Variants in PEAK1 observed in about 807,000 individuals in gnomAD.
PEAK1 encodes the protein pseudopodium enriched atypical kinase 1, also known as inactive tyrosine-protein kinase PEAK1.
Under a neutral mutation model 124.7 loss-of-function variants are expected in PEAK1, and 54 were observed. The observed-to-expected ratio is 0.43, with a 90% confidence interval of 0.35 to 0.54. The LOEUF is 0.54. Ranked by LOEUF, PEAK1 falls within the 20% of genes least tolerant of loss-of-function variation. PEAK1 has a pLI of 0.01. For synonymous variants in PEAK1, 719 were observed against 760.0 expected (o/e 0.95, Z 0.89); for missense variants, 2,046 against 2,134.5 (o/e 0.96, Z 0.82).
intron 6 of PEAK1, among the ~76,000 whole-genome samples, chr15:77,187,123 C>T (rs1478587025): frequency 3.9e-5 from 6 of 152,310 alleles, no homozygotes; most frequent in African/African-American, 1.4e-4. Context: ...CCTCCACATT[C>T]CTTATAATCT....
intron 8 of PEAK1, among the ~76,000 whole-genome samples, chr15:77,150,147 T>C (rs1173201309): frequency 1.3e-5 from 2 of 152,158 alleles, no homozygotes; most frequent in African/African-American, 2.4e-5. Context: ...TGCAAAGTGA[T>C]GATGTTTTTT....
At position 77,114,048 on chromosome 15, in the gene PEAK1, G is replaced by T. The variant is rs1248367195; in HGVS notation, c.*108C>A. 2.4e-5 allele frequency: 29 copies of T among 1,198,090 alleles called. No homozygotes were observed. The highest frequency in any genetic ancestry group is 3.2e-5 in the Non-Finnish European group (27 of 831,156). 74.2% of individuals were successfully genotyped at this position (1,198,090 alleles called of 1,614,324 possible). ...CCACTTGTTCACGGACAGGGATAGA[G>T]GTTTGCCTTTCTTCTTTCCTTGAAT... On this transcript the variant is annotated 3_prime_UTR_variant, in exon 10 of 10. Transcript: ENST00000682557.
chr15:77,164,409 C>T (rs547153135), intron 7 of PEAK1, among the ~76,000 whole-genome samples: 13 of 152,238 alleles, frequency 8.5e-5, no homozygotes, highest in African/African-American at 2.9e-4. Flanking sequence ...AGCTAGGTCT[C>T]GAGATGGGGA....
intron 2 of PEAK1, among the ~76,000 whole-genome samples, chr15:77,302,694 A>G (rs2063851574): frequency 6.6e-6 from 1 of 152,166 alleles, no homozygotes; most frequent in Admixed American, 6.5e-5. Context: ...CTTCAGTGAG[A>G]TTATTGGATA....
rs1472479791 is a variant in PEAK1, at chr15:77,181,606, G to T, written c.321C>A (p.Asn107Lys). Residue 107 changes from asparagine (N) to lysine (K), a missense_variant, in exon 7 of 10, where the codon AAC becomes AAA. Transcript: ENST00000682557. ...GTGGTTTCTGACTCAAGGCAGCTCT[G>T]TTTCGGTTCCACCCTATGATGACAG... ...NKPVIIGWNR[N>K]RAALSQKPLN... The T allele has an allele frequency of 6.2e-7, 1 of 1,614,100 alleles. No individual in the cohort carries two copies. Among genetic ancestry groups the T allele is most frequent in the Admixed American group, 1.7e-5 (1 of 60,020 alleles).
intron 2 of PEAK1, among the ~76,000 whole-genome samples, chr15:77,326,476 C>A (rs190579435): frequency 4.6e-5 from 7 of 152,268 alleles, no homozygotes; most frequent in African/African-American, 1.7e-4. Flanking sequence ...ACATTTTCTA[C>A]TGTCATAAAT....
chr15:77,203,972 G>C (rs1405372364), intron 6 of PEAK1, among the ~76,000 whole-genome samples: 1 of 152,116 alleles, frequency 6.6e-6, no homozygotes, highest in African/African-American at 2.4e-5. Context: ...AAGAAAATGA[G>C]AACACAAGCC....
intron 2 of PEAK1, among the ~76,000 whole-genome samples, chr15:77,353,958 ATCT>A (rs1258015370): frequency 1.3e-5 from 2 of 152,230 alleles, no homozygotes; most frequent in East Asian, 1.9e-4. Context: ...CTTCTTCATG[ATCT>A]TCTTCCCAGT....
intron 1 of PEAK1, chr15:77,419,618 G>A (rs1393328559): frequency 4.1e-6 from 4 of 984,960 alleles, no homozygotes; most frequent in Non-Finnish European, 4.8e-6. Context: ...GCCTCCCCGC[G>A]TCCAGCTCCT....
chr15:77,337,632 C>T (rs1051861387), intron 2 of PEAK1: 2 of 985,334 alleles, frequency 2.0e-6, no homozygotes, highest in Non-Finnish European at 2.4e-6. Context: ...GGATTAATTC[C>T]CATGAATGAG....
At chr15:77,271,145 G>A (rs1469163519) in intron 5 of PEAK1, among the ~76,000 whole-genome samples, 1 of 152,166 alleles carries the variant, frequency 6.6e-6, no homozygotes, top group Non-Finnish European at 1.5e-5. Flanking sequence ...CTTCTCAAAA[G>A]AAGATATTTA....
Position 77,158,592 on chromosome 15 carries a change from G to C in PEAK1, c.3242C>G (p.Ser1081Cys), listed in dbSNP as rs2055358752. 1 of 1,613,988 alleles carries C rather than the reference G, an allele frequency of 6.2e-7. No individual in the cohort carries two copies. Among genetic ancestry groups the C allele is most frequent in the Non-Finnish European group, 8.5e-7 (1 of 1,179,986 alleles). ...RGCTSVTTAL[S>C]LPELEREDGK... is the part of the protein sequence containing the mutation. ...ATCTTCCCTTTCCAGTTCAGGTAGGGACAATGCTGTTGTGACTGAAGTGCA... is the reference window on the plus strand; with the variant it reads ...ATCTTCCCTTTCCAGTTCAGGTAGGCACAATGCTGTTGTGACTGAAGTGCA... The change falls in exon 8 of 10, where the codon TCC becomes TGC. Residue 1081 changes from serine (S) to cysteine (C), a missense_variant. Transcript: ENST00000682557.
chr15:77,274,914 C>T (rs1188753349), intron 5 of PEAK1, among the ~76,000 whole-genome samples: 1 of 152,008 alleles, frequency 6.6e-6, no homozygotes, highest in Admixed American at 6.6e-5. Context: ...TGGAACCAGC[C>T]CAAATATCCA....
chr15:77,213,638 G>A (rs1457238210), intron 6 of PEAK1, among the ~76,000 whole-genome samples: 2 of 152,004 alleles, frequency 1.3e-5, no homozygotes, highest in Admixed American at 6.5e-5. Flanking sequence ...GCAGTGAGCC[G>A]AGATCGCATC....
intron 5 of PEAK1, among the ~76,000 whole-genome samples, chr15:77,258,298 A>G (rs2061269331): frequency 6.6e-6 from 1 of 152,130 alleles, no homozygotes; most frequent in Non-Finnish European, 1.5e-5. Context: ...ATGGCATTGA[A>G]TCTATAAATT....
chr15:77,301,694 T>A (rs141436590), intron 2 of PEAK1, among the ~76,000 whole-genome samples: 55 of 152,250 alleles, frequency 3.6e-4, no homozygotes, highest in South Asian at 3.1e-3. Flanking sequence ...GAGGTACAAT[T>A]TATCAGGTTT....
At chr15:77,417,808 GTTA>G in intron 1 of PEAK1, 2 of 985,354 alleles carry the variant, frequency 2.0e-6, no homozygotes, top group Non-Finnish European at 2.4e-6. Context: ...ATTTAGAAGA[GTTA>G]TTATATGAAA....
intron 2 of PEAK1, chr15:77,352,868 C>T (rs1275311563): frequency 1.0e-6 from 1 of 985,166 alleles, no homozygotes; most frequent in African/African-American, 1.7e-5. Flanking sequence ...CAAAAAAAGA[C>T]ATTTAGTGAA....
At chr15:77,103,236 C>G (rs1010883676), downstream of PEAK1, 1 of 152,106 alleles carries the variant, frequency 6.6e-6, no homozygotes, top group African/African-American at 2.4e-5. Context: ...GCCTCGACCT[C>G]CTGGGCTCGA....
Sources: gnomAD v4.1 joint callset for allele counts (sites outside exome capture counted in the v4.1 genomes callset) on GRCh38, gnomAD v4.1.1 for gene constraint, MANE v1.5 for transcripts, NCBI Gene and HGNC (gene_info 2026-07-23, HGNC 2026-07-21) for gene names.